SNURF: variants seen among roughly 807,000 people sequenced by gnomAD.
The protein encoded by SNURF is SNRPN upstream open reading frame, also known as SNURF protein.
SNURF carries 6 observed loss-of-function variants against 11.6 expected under a neutral mutation model. That is an observed-to-expected ratio of 0.52 (90% CI 0.28 to 1.02). The LOEUF is 1.02. Ranked by LOEUF, SNURF falls within the 50% of genes least tolerant of loss-of-function variation. SNURF has a pLI of 0.09. For synonymous variants in SNURF, 29 were observed against 31.6 expected (o/e 0.92, Z 0.27); for missense variants, 84 against 88.4 (o/e 0.95, Z 0.20).
At chr15:24,960,957 TC>T (rs550928928) in intron 1 of SNURF, among the ~76,000 whole-genome samples, 24 of 152,214 alleles carry the variant, frequency 1.6e-4, no homozygotes. Context: ...TTCTTTTTTT[TC>T]ATTGTTTGGA....
At chr15:24,959,035 T>C (rs904378658) in intron 1 of SNURF, among the ~76,000 whole-genome samples, 3 of 152,204 alleles carry the variant, frequency 2.0e-5, no homozygotes, top group African/African-American at 7.2e-5. Flanking sequence ...TTTATTTTTA[T>C]TCTTGAGATC....
At chr15:24,955,018 C>A (rs372506458) in exon 1 of SNURF, 4 of 1,612,462 alleles carry the variant, frequency 2.5e-6, no homozygotes, top group Non-Finnish European at 3.4e-6. Flanking sequence ...AGATGCCTGA[C>A]GCATCTGTCT....
At chr15:24,974,409 C>A in intron 3 of SNURF, 1 of 1,602,704 alleles carries the variant, frequency 6.2e-7, no homozygotes, top group Non-Finnish European at 8.5e-7. Flanking sequence ...TCTTCAGAAG[C>A]ATCAAGTTTT....
chr15:24,974,184 G>A (rs1024096994), intron 3 of SNURF: 4 of 482,354 alleles, frequency 8.3e-6, no homozygotes, highest in Non-Finnish European at 1.5e-5. Context: ...GTCCCTTGGT[G>A]AGGAAGCTAG....
chr15:24,971,614 C>T (rs1005452852), downstream of SNURF, among the ~76,000 whole-genome samples: 6 of 152,056 alleles, frequency 3.9e-5, no homozygotes, highest in Non-Finnish European at 8.8e-5. Flanking sequence ...TAACTCACAT[C>T]CCTAGATGTG....
intron 1 of SNURF, among the ~76,000 whole-genome samples, chr15:24,960,288 A>G (rs529873379): frequency 1.3e-5 from 2 of 152,300 alleles, no homozygotes; most frequent in East Asian, 3.9e-4. Context: ...TTCCACCAGC[A>G]GTTTCCCCAC....
rs375435472 is a variant in SNURF, at chr15:24,976,274, T to C, written c.*198-31T>C. 5 of 1,540,990 alleles carry C rather than the reference T, an allele frequency of 3.2e-6. No homozygotes were observed. The African/African-American group carries it at 6.8e-5, about 21-fold the overall frequency. ...TGATGAGTGAGTGATCACTAAAATTTATCTCACTAAAATTTAATTCTGATT... is the reference window on the plus strand; with the variant it reads ...TGATGAGTGAGTGATCACTAAAATTCATCTCACTAAAATTTAATTCTGATT... On this transcript the variant is annotated intron_variant and NMD_transcript_variant, in intron 4 of 6. Coordinates refer to the SNURF transcript ENST00000580062.
Position 24,975,438 on chromosome 15 carries a change from T to C in SNURF, c.*126T>C, listed in dbSNP as rs748523454. The C allele has an allele frequency of 8.7e-6, 14 of 1,613,258 alleles. No individual in the cohort carries two copies. The East Asian group carries it at 3.1e-4, about 36-fold the overall frequency. On this transcript the variant is annotated 3_prime_UTR_variant and NMD_transcript_variant, in exon 4 of 7. Coordinates refer to the SNURF transcript ENST00000580062. ...TCCTGCAAGATGGCCGAATCTTCAT[T>C]GGCACCTTTAAGGCTTTTGACAAGC...
downstream of SNURF, chr15:24,978,595 A>G (rs1345903413): frequency 7.9e-6 from 6 of 756,406 alleles, no homozygotes; most frequent in Non-Finnish European, 1.3e-5. Context: ...GTACTGTTGT[A>G]TATATTTTTT....
downstream of SNURF, among the ~76,000 whole-genome samples, chr15:24,972,071 C>G (rs576397969): frequency 3.3e-5 from 5 of 152,096 alleles, no homozygotes; most frequent in African/African-American, 1.2e-4. Context: ...GCCTGGCCAA[C>G]GTAGCGAAAT....
At chr15:24,955,620 G>T (rs896334119) in intron 1 of SNURF, among the ~76,000 whole-genome samples, 6 of 148,348 alleles carry the variant, frequency 4.0e-5, no homozygotes, top group Non-Finnish European at 7.4e-5. Context: ...GGAATTCGTC[G>T]CAGTGACCGA....
intron 3 of SNURF, chr15:24,974,966 A>G: frequency 1.4e-6 from 1 of 703,034 alleles, no homozygotes; most frequent in Non-Finnish European, 2.6e-6. Context: ...AGGTCAGATT[A>G]CAATAGAAAT....
intron 5 of SNURF, chr15:24,976,523 A>G: frequency 1.2e-6 from 1 of 818,832 alleles, no homozygotes; most frequent in Admixed American, 2.8e-5. Flanking sequence ...TGGATTGTCA[A>G]ATAAAATGTG....
At chr15:24,976,291 A>G in intron 4 of SNURF, 1 of 1,608,130 alleles carries the variant, frequency 6.2e-7, no homozygotes, top group South Asian at 1.1e-5. Context: ...CTAAAATTTA[A>G]TTCTGATTTG....
At chr15:24,967,911 T>A in intron 2 of SNURF, 21 bp from the exon 3 acceptor site, 1 of 1,594,068 alleles carries the variant, frequency 6.3e-7, no homozygotes, top group Non-Finnish European at 8.6e-7. Context: ...ATCATTTATA[T>A]ATATTGTGCT....
chr15:24,967,623 CAG>C (rs1236767088), intron 2 of SNURF, among the ~76,000 whole-genome samples: 2 of 147,850 alleles, frequency 1.4e-5, no homozygotes, highest in Non-Finnish European at 3.0e-5. Context: ...GCCTGGGCGA[CAG>C]AGTGAGACTC....
intron 2 of SNURF, among the ~76,000 whole-genome samples, chr15:24,965,278 C>T (rs746024789): frequency 1.3e-5 from 2 of 152,168 alleles, no homozygotes; most frequent in Non-Finnish European, 2.9e-5. Context: ...TGGCTCACGC[C>T]TGTAATCCCA....
intron 3 of SNURF, chr15:24,974,845 T>C (rs2076884172): frequency 1.4e-6 from 1 of 692,242 alleles, no homozygotes; most frequent in Non-Finnish European, 2.6e-6. Flanking sequence ...AGGCATGAGA[T>C]GAGCCACTGT....
Position 24,957,299 on chromosome 15 carries a change from G to A in SNURF, c.14+2237G>A, listed in dbSNP as rs147750595. 1.7e-3 allele frequency among the ~76,000 whole-genome samples: 255 copies of A among 152,286 alleles called. 1 individual carries two copies. Among genetic ancestry groups the A allele is most frequent in the African/African-American group, 6.0e-3 (249 of 41,562 alleles). The stretch of plus-strand genomic sequence containing the variant: ...CACTGGACCTCTTCATCTTCTGGGA[G>A]TTGAAAGCTGCAAGTTTTGTGCTCA... On this transcript the variant is annotated intron_variant, in intron 1 of 2. Transcript: ENST00000577949.
Sources: allele counts gnomAD v4.1 joint callset (sites outside exome capture counted in the v4.1 genomes callset), GRCh38; gene constraint gnomAD v4.1.1; transcripts MANE v1.5; gene names NCBI Gene and HGNC (gene_info 2026-07-23, HGNC 2026-07-21).